The following IGF2R variants were observed in gnomAD, a reference collection of about 807,000 sequenced individuals.
The protein encoded by IGF2R is cation-independent mannose-6-phosphate receptor.
IGF2R carries 91 observed loss-of-function variants against 270.6 expected under a neutral mutation model. The ratio of observed to expected loss-of-function variants is 0.34; its 90% CI spans 0.28 to 0.40. IGF2R has a LOEUF of 0.40. Ranked by LOEUF, IGF2R falls within the 10% of genes least tolerant of loss-of-function variation. IGF2R has a pLI of 1.00. For missense variants in IGF2R, 2,805 were observed against 3,188.3 expected (o/e 0.88, Z 2.90); for synonymous variants, 1,316 against 1,258.9 (o/e 1.05, Z -0.96).
chr6:160,086,976 C>G (rs995872028), intron 41 of IGF2R, among the ~76,000 whole-genome samples: 1 of 152,082 alleles, frequency 6.6e-6, no homozygotes, highest in Non-Finnish European at 1.5e-5. Flanking sequence ...TGGGCCCAGA[C>G]CGTTCCCAGA....
At chr6:160,063,807 A>G (rs1274554039) in intron 27 of IGF2R, among the ~76,000 whole-genome samples, 177 bp downstream of exon 27, 1 of 151,794 alleles carries the variant, frequency 6.6e-6, no homozygotes, top group Admixed American at 6.6e-5. Context: ...CAGAGTACAT[A>G]CTGAAGGATG....
At chr6:159,981,439 G>A (rs1783802543) in intron 1 of IGF2R, among the ~76,000 whole-genome samples, 1 of 152,080 alleles carries the variant, frequency 6.6e-6, no homozygotes, top group African/African-American at 2.4e-5. Flanking sequence ...TCTCCCTCCA[G>A]TTCCTTGCCA....
Position 160,105,313 on chromosome 6 carries a change from C to T in IGF2R, c.*229C>T, listed in dbSNP as rs1246701015. ...GCTCAGATCGGCCACAGGGCGGTAC[C>T]TTGTGCCCAGGGTTTTGCCCCAAGT... On this transcript the variant is annotated 3_prime_UTR_variant, in exon 48 of 48. Coordinates refer to ENST00000356956, the MANE Select transcript of IGF2R (RefSeq NM_000876.4). The T allele has an allele frequency of 4.1e-6, 2 of 492,270 alleles. No individual in the cohort carries two copies. Among genetic ancestry groups the T allele is most frequent in the Non-Finnish European group, 7.2e-6 (2 of 279,624 alleles). The allele number at this position is 492,270 out of a possible 1,614,324, so 30.5% of individuals were successfully genotyped here. A position where few individuals can be genotyped will look rare whatever the true frequency, so the allele number is the denominator to read the frequency against.
At position 160,070,534 on chromosome 6, in the gene IGF2R, G is replaced by A. The variant is rs1006617634; in HGVS notation, c.4443+476G>A. 2.6e-5 allele frequency among the ~76,000 whole-genome samples: 4 copies of A among 152,208 alleles called. No individual in the cohort carries two copies. In the South Asian group the frequency reaches 8.3e-4, roughly 32 times the overall value. ...CCCATTGCAGGGTTTCGAGAGAAGA[G>A]GTAGGAAGTGCCAGGTGTCATTTCT... On this transcript the variant is annotated intron_variant, in intron 31 of 47. Transcript: ENST00000356956.
At chr6:159,985,665 T>G (rs1477672044) in intron 1 of IGF2R, among the ~76,000 whole-genome samples, 13 of 152,136 alleles carry the variant, frequency 8.5e-5, no homozygotes, top group Admixed American at 8.5e-4. Flanking sequence ...ATGCCACCAC[T>G]GAGCTGTATG....
At chr6:160,012,939 AT>A (rs1380795427) in intron 4 of IGF2R, among the ~76,000 whole-genome samples, 1 of 151,658 alleles carries the variant, frequency 6.6e-6, no homozygotes, top group Non-Finnish European at 1.5e-5. Context: ...ACACACAGTC[AT>A]CCTCAAGTGT....
chr6:160,050,560 G>A lies in IGF2R; in HGVS notation c.2602G>A (p.Glu868Lys). The A allele has an allele frequency of 6.2e-7, 1 of 1,614,102 alleles. No individual in the cohort carries two copies. The highest frequency in any genetic ancestry group is 8.5e-7 in the Non-Finnish European group (1 of 1,179,984). The stretch of plus-strand genomic sequence containing the variant: ...TGAGGACAGCGGCAGCCTCCTTCTG[G>A]AATACGTGAATGGGTCGGCCTGCAC... ...VVEDSGSLLLEYVNGSACTTS... is the reference protein window; with the variant it reads ...VVEDSGSLLLKYVNGSACTTS... The change falls in exon 19 of 48, where the codon GAA becomes AAA. Residue 868 changes from glutamate to lysine, a missense_variant. Transcript: ENST00000356956. The surrounding 1 kb of genome is among the most constrained non-coding windows in gnomAD (Gnocchi z 4.0).
In IGF2R at chr6:160,104,862, G is replaced by A. The variant is rs1290034593; in HGVS notation, c.7254G>A (p.Glu2418=). Residue 2418 remains glutamate, a synonymous_variant, in exon 48 of 48, where the codon GAG becomes GAA. Transcript: ENST00000356956. The part of the protein sequence containing the change: ...DSEDEVLTIP[E]VKVHSGRGAG... Reference sequence around the variant, plus strand: ...AGGATGAGGTTCTGACCATCCCAGAGGTGAAAGTTCACTCGGGCAGGGGAG... The same window carrying A: ...AGGATGAGGTTCTGACCATCCCAGAAGTGAAAGTTCACTCGGGCAGGGGAG... The A allele has an allele frequency of 2.5e-6, 4 of 1,614,104 alleles. No individual in the cohort carries two copies. Among genetic ancestry groups the A allele is most frequent in the Non-Finnish European group, 2.5e-6 (3 of 1,180,050 alleles).
rs1341504521 is a variant in IGF2R, at chr6:160,106,766, A to C, written c.*1682A>C. On this transcript the variant is annotated 3_prime_UTR_variant, in exon 48 of 48. Transcript: ENST00000356956. The stretch of plus-strand genomic sequence containing the variant: ...AATCTGCCTTCCCTTGGCTCTTTCT[A>C]GATCCGATTTCTTTACCTTCTCCAG... 6.6e-6 allele frequency: 1 copy of C among 152,130 alleles called. No homozygotes were observed. The highest frequency in any genetic ancestry group is 2.4e-5 in the African/African-American group (1 of 41,418). 9.4% of individuals were successfully genotyped at this position (152,130 alleles called of 1,614,324 possible).
Position 160,032,634 on chromosome 6 carries a change from C to A in IGF2R, c.966C>A (p.Tyr322Ter). The change falls in exon 8 of 48, where the codon TAC becomes TAA. Residue 322 changes from tyrosine (Y) to a stop codon, truncating the protein, a stop_gained. Transcript: ENST00000356956. LOFTEE classifies it high-confidence loss of function. ...WITEYACHRD[Y>*]LESKTCSLSG... ...CTGAGTATGCCTGCCACAGAGATTA[C>A]CTGGAAAGTAAAACTTGTTCTCTGA... The A allele has an allele frequency of 6.2e-7, 1 of 1,614,146 alleles. No individual in the cohort carries two copies. Among genetic ancestry groups the A allele is most frequent in the Non-Finnish European group, 8.5e-7 (1 of 1,179,988 alleles).
At chr6:160,015,011 C>T (rs1029176161) in intron 4 of IGF2R, among the ~76,000 whole-genome samples, 5 of 152,302 alleles carry the variant, frequency 3.3e-5, no homozygotes, top group African/African-American at 9.6e-5. Context: ...GTTCAAGTGC[C>T]TTTGAGGCTG....
chr6:160,005,657 A>T (rs1334760801), intron 2 of IGF2R: 2 of 152,786 alleles, frequency 1.3e-5, no homozygotes, highest in Non-Finnish European at 2.9e-5. Flanking sequence ...TGAACAGGTT[A>T]CGAGGTTGGG....
chr6:160,033,028 C>G lies in IGF2R; in HGVS notation c.1132C>G (p.Gln378Glu). 1 of 1,611,314 alleles carries G rather than the reference C, an allele frequency of 6.2e-7. No individual in the cohort carries two copies. The highest frequency in any genetic ancestry group is 8.5e-7 in the Non-Finnish European group (1 of 1,177,480). The change falls in exon 9 of 48, where the codon CAA (glutamine) becomes GAA (glutamate). Residue 378 changes from glutamine to glutamate, a missense_variant. By Grantham distance (29) the Gln-to-Glu change is conservative (BLOSUM62 2). This residue lies in a region of IGF2R where 954 missense variants were observed against 981.1 expected (regional missense o/e 0.97). Coordinates refer to ENST00000356956, the MANE Select transcript of IGF2R (RefSeq NM_000876.4). ...TGAAATACAGTTCTGTAATAAAAAA[C>G]AAGCTGCAGTTTGCCAAGTGAAAAA... is the stretch of plus-strand genomic sequence containing the variant. Reference protein sequence around the residue: ...ETEIQFCNKKQAAVCQVKKSD... With the variant: ...ETEIQFCNKKEAAVCQVKKSD...
intron 4 of IGF2R, among the ~76,000 whole-genome samples, chr6:160,016,511 G>A (rs1777303821): frequency 6.6e-6 from 1 of 152,194 alleles, no homozygotes; most frequent in African/African-American, 2.4e-5. Flanking sequence ...CATAAATCCT[G>A]TTGCCACCAC....
chr6:160,050,528 C>G lies in IGF2R; in HGVS notation c.2570C>G (p.Pro857Arg), dbSNP rs370610400. Reference sequence around the variant, plus strand: ...AACTTGGGAATGGCAAAGACCGGCCCGGTGGTTGAGGACAGCGGCAGCCTC... The same window carrying G: ...AACTTGGGAATGGCAAAGACCGGCCGGGTGGTTGAGGACAGCGGCAGCCTC... Reference protein sequence around the residue: ...ISNLGMAKTGPVVEDSGSLLL... With the variant: ...ISNLGMAKTGRVVEDSGSLLL... Residue 857 changes from proline to arginine, a missense_variant, in exon 19 of 48, where the codon CCG (proline) becomes CGG (arginine). Pro to Arg is a moderately radical substitution (Grantham distance 103). Around this residue, in one of 2 missense-constraint regions of IGF2R, gnomAD observed 1,851 missense variants for 2,207.2 expected, o/e 0.84. Transcript: ENST00000356956. This position sits in a 1 kb window ranked among gnomAD's most constrained non-coding sequence, Gnocchi z 4.0. 16 of 1,614,034 alleles carry G rather than the reference C, an allele frequency of 9.9e-6. No homozygotes were observed. The highest frequency in any genetic ancestry group is 1.4e-5 in the Non-Finnish European group (16 of 1,179,934).
At chr6:160,094,137 T>C in intron 44 of IGF2R, 2 of 424,112 alleles carry the variant, frequency 4.7e-6, no homozygotes, top group Admixed American at 6.1e-5. Context: ...ACCCCAAATA[T>C]GTTCTGTCAA....
chr6:160,066,465 T>C (rs950926523), intron 29 of IGF2R, among the ~76,000 whole-genome samples: 1 of 152,198 alleles, frequency 6.6e-6, no homozygotes, highest in African/African-American at 2.4e-5. Context: ...CCTAAAGATA[T>C]TTTTATGCTA....
At position 160,033,093 on chromosome 6, in the gene IGF2R, C is replaced by G; in HGVS notation, c.1197C>G (p.His399Gln). ...AAGTCAAAGCAGCAGGAAGATACCA[C>G]AATCAGACCCTCCGGTACGTCAACA... ...TSQVKAAGRY[H>Q]NQTLRYSDGD... The change falls in exon 9 of 48, where the codon CAC becomes CAG. Residue 399 changes from histidine (H) to glutamine (Q), a missense_variant. Coordinates refer to ENST00000356956, the MANE Select transcript of IGF2R (RefSeq NM_000876.4). 1 of 1,612,224 alleles carries G rather than the reference C, an allele frequency of 6.2e-7. No individual in the cohort carries two copies.
In IGF2R at chr6:160,050,435, TC is replaced by T; in HGVS notation, c.2515-37del. On this transcript the variant is annotated intron_variant, in intron 18 of 47. Transcript: ENST00000356956. The surrounding 1 kb of genome is among the most constrained non-coding windows in gnomAD (Gnocchi z 4.0). ...CACCAATAACGAATCGACTGTATCT[TC>T]AGGGGGAAAAGCCTAACAAGACTGG... 6.3e-7 allele frequency: 1 copy of T among 1,579,890 alleles called. No homozygotes were observed. The highest frequency in any genetic ancestry group is 8.6e-7 in the Non-Finnish European group (1 of 1,156,180).
Sources: gnomAD v4.1 joint callset for allele counts (sites outside exome capture counted in the v4.1 genomes callset) on GRCh38, gnomAD v4.1.1 for gene constraint, gnomAD v4.1.1 regional missense constraint, Gnocchi (gnomAD v3.1) non-coding constraint, MANE v1.5 for transcripts, NCBI Gene and HGNC (gene_info 2026-07-23, HGNC 2026-07-21) for gene names.